Variants in LRP1B observed in about 807,000 individuals in gnomAD.
LRP1B encodes the protein LDL receptor related protein 1B.
A neutral mutation model predicts 556.6 loss-of-function variants in LRP1B; 217 were observed. That is an observed-to-expected ratio of 0.39 (90% CI 0.35 to 0.44). The LOEUF (loss-of-function observed/expected upper bound fraction) is 0.44, where lower values mean the gene tolerates loss of function less well. LRP1B is among the 20% of genes least tolerant of loss of function. The probability of loss-of-function intolerance (pLI) is 1.00; values close to 1 mark genes in which losing one functional copy is unlikely to be tolerated. For synonymous variants in LRP1B, 2,047 were observed against 1,865.8 expected (o/e 1.10, Z -2.50); for missense variants, 5,053 against 5,620.8 (o/e 0.90, Z 3.23).
intron 3 of LRP1B, among the ~76,000 whole-genome samples, chr2:141,404,602 A>G (rs1409121274): frequency 6.6e-6 from 1 of 152,214 alleles, no homozygotes; most frequent in Admixed American, 6.5e-5. Context: ...ATCCTAATAG[A>G]AAAATACATT....
Position 141,316,468 on chromosome 2 carries a change from T to C in LRP1B, c.344-61827A>G, listed in dbSNP as rs1437630706. Among the ~76,000 whole-genome samples, 7 of 152,232 alleles carry C rather than the reference T, an allele frequency of 4.6e-5. No individual in the cohort carries two copies. In the East Asian group the frequency reaches 1.2e-3, roughly 25 times the overall value. Reference sequence around the variant, plus strand: ...AGAGAACAGCACCTTTGAAGAAATATTGTGTAAATAAAAGCATTTAAAAAT... The same window carrying C: ...AGAGAACAGCACCTTTGAAGAAATACTGTGTAAATAAAAGCATTTAAAAAT... On this transcript the variant is annotated intron_variant, in intron 3 of 90. Transcript: ENST00000389484.
intron 3 of LRP1B, among the ~76,000 whole-genome samples, chr2:141,466,294 C>A (rs759717057): frequency 2.0e-4 from 31 of 152,320 alleles, no homozygotes; most frequent in Non-Finnish European, 3.8e-4. Flanking sequence ...ATGACCAGCT[C>A]TCTTTCTTTC....
intron 41 of LRP1B, among the ~76,000 whole-genome samples, chr2:140,643,226 T>C (rs1432009243): frequency 6.6e-6 from 1 of 152,170 alleles, no homozygotes; most frequent in Non-Finnish European, 1.5e-5. Context: ...GTTGTTCTTA[T>C]AACGAGTTAA....
At position 140,252,062 on chromosome 2, in the gene LRP1B, C is replaced by CAAAAAAAAAAAAAA; in HGVS notation, c.13248-4914_13248-4901dup. Reference sequence around the variant, plus strand: ...TTGCAGATAGTAGCATGACAAGATGCAAAAAAAAAAAAAAAAAAAAAAAAA... The same window carrying CAAAAAAAAAAAAAA: ...TTGCAGATAGTAGCATGACAAGATGCAAAAAAAAAAAAAAAAAAAAAAAAAAAAAAAAAAAAAAA... On this transcript the variant is annotated intron_variant, in intron 86 of 90. Transcript: ENST00000389484. Among the ~76,000 whole-genome samples, 78 of 18,532 alleles carry CAAAAAAAAAAAAAA rather than the reference C, an allele frequency of 4.2e-3. 4 individuals are homozygous for CAAAAAAAAAAAAAA. Among genetic ancestry groups the CAAAAAAAAAAAAAA allele is most frequent in the African/African-American group, 4.4e-3 (17 of 3,880 alleles). 12.2% of individuals were successfully genotyped at this position (18,532 alleles called of 152,430 possible).
chr2:141,199,111 C>T (rs1354761018), intron 6 of LRP1B, among the ~76,000 whole-genome samples: 1 of 152,068 alleles, frequency 6.6e-6, no homozygotes, highest in African/African-American at 2.4e-5. Flanking sequence ...AATCAGTGCT[C>T]CTTGTGATCA....
chr2:140,513,132 G>C (rs1447181436), intron 51 of LRP1B, among the ~76,000 whole-genome samples: 1 of 152,052 alleles, frequency 6.6e-6, no homozygotes, highest in East Asian at 1.9e-4. Context: ...GGTTATGTTG[G>C]ATGATCATAT....
intron 66 of LRP1B, among the ~76,000 whole-genome samples, chr2:140,428,182 C>T (rs1000959627): frequency 1.3e-5 from 2 of 152,120 alleles, no homozygotes; most frequent in African/African-American, 4.8e-5. Flanking sequence ...AATAAAACTC[C>T]AAAAATTAAA....
intron 1 of LRP1B, among the ~76,000 whole-genome samples, chr2:141,867,871 A>G (rs556309656): frequency 4.6e-5 from 7 of 152,140 alleles, no homozygotes; most frequent in African/African-American, 1.7e-4. Flanking sequence ...AAGTTATACA[A>G]ATTGAGAGTT....
At chr2:141,352,808 A>G (rs958206356) in intron 3 of LRP1B, among the ~76,000 whole-genome samples, 9 of 151,972 alleles carry the variant, frequency 5.9e-5, no homozygotes, top group Non-Finnish European at 8.8e-5. Flanking sequence ...ATTATTTTAG[A>G]AAATTTGGTT....
At chr2:141,545,127 T>C (rs1353335796) in intron 2 of LRP1B, among the ~76,000 whole-genome samples, 3 of 152,216 alleles carry the variant, frequency 2.0e-5, no homozygotes, top group Admixed American at 1.3e-4. Context: ...AGAAGAAGCA[T>C]GTTTGCATTA....
At position 141,966,698 on chromosome 2, in the gene LRP1B, A is replaced by G. The variant is rs1309787652; in HGVS notation, c.83-156297T>C. Among the ~76,000 whole-genome samples, 3 of 151,744 alleles carry G rather than the reference A, an allele frequency of 2.0e-5. No homozygotes were observed. In the East Asian group the frequency reaches 5.8e-4, roughly 30 times the overall value. ...TATTCTACCAATAAGATTCTGAAAG[A>G]GTCTTCAGTACAAATGGTTGAAGGC... On this transcript the variant is annotated intron_variant, in intron 1 of 90. Transcript: ENST00000389484.
chr2:140,279,442 C>T (rs191911943), intron 84 of LRP1B, among the ~76,000 whole-genome samples: 13 of 151,936 alleles, frequency 8.6e-5, no homozygotes, highest in African/African-American at 2.9e-4. Context: ...CATAAGAATG[C>T]CAGTTTAATT....
rs368573627 is a variant in LRP1B at position 141,462,878 on chromosome 2, CTATTA to C, written c.343+17513_343+17517del. On this transcript the variant is annotated intron_variant, in intron 3 of 90. Transcript: ENST00000389484. Reference sequence around the variant, plus strand: ...AATTTAAAATTTTAAGTATGAATGGCTATTATATCATAAAACATGATCATAAACAA... The same window carrying C: ...AATTTAAAATTTTAAGTATGAATGGCTATCATAAAACATGATCATAAACAA... 2.6e-4 allele frequency among the ~76,000 whole-genome samples: 40 copies of C among 152,036 alleles called. No homozygotes were observed. The South Asian group carries it at 4.4e-3, about 17-fold the overall frequency.
intron 47 of LRP1B, among the ~76,000 whole-genome samples, chr2:140,527,875 T>C (rs546299494): frequency 1.4e-4 from 21 of 152,016 alleles, no homozygotes; most frequent in Admixed American, 2.6e-4. Context: ...TCCGAAAGAT[T>C]GCTTATAATC....
At chr2:141,260,210 T>C (rs1442325641) in intron 3 of LRP1B, among the ~76,000 whole-genome samples, 1 of 152,196 alleles carries the variant, frequency 6.6e-6, no homozygotes, top group African/African-American at 2.4e-5. Flanking sequence ...TTTTCTACAT[T>C]GATCTCTTTG....
chr2:141,082,679 CA>C (rs1574055693), intron 7 of LRP1B, among the ~76,000 whole-genome samples: 1 of 152,288 alleles, frequency 6.6e-6, no homozygotes, highest in East Asian at 1.9e-4. Context: ...AATCCATGAT[CA>C]GGTGTGGCAG....
chr2:140,690,406 G>C (rs149643069), intron 41 of LRP1B, among the ~76,000 whole-genome samples: 152 of 151,620 alleles, frequency 1.0e-3, no homozygotes, highest in Non-Finnish European at 1.4e-3. Context: ...TCAATGAATG[G>C]CTCCTTGTAC....
intron 1 of LRP1B, among the ~76,000 whole-genome samples, chr2:142,071,971 G>A (rs1487331711): frequency 6.6e-6 from 1 of 151,908 alleles, no homozygotes; most frequent in Non-Finnish European, 1.5e-5. Context: ...AAGCACCATA[G>A]TCTGCTCAAT....
intron 1 of LRP1B, among the ~76,000 whole-genome samples, chr2:141,893,029 C>A (rs1699338515): frequency 6.6e-6 from 1 of 152,114 alleles, no homozygotes. Context: ...GTTGAAAATA[C>A]TGTACTGGAC....
Sources: gnomAD v4.1 joint callset for allele counts (sites outside exome capture counted in the v4.1 genomes callset) on GRCh38, gnomAD v4.1.1 for gene constraint, MANE v1.5 for transcripts, NCBI Gene and HGNC (gene_info 2026-07-23, HGNC 2026-07-21) for gene names.